KLHL17: variants seen among roughly 807,000 people sequenced by gnomAD.
KLHL17 encodes kelch like family member 17.
A neutral mutation model predicts 64.6 loss-of-function variants in KLHL17; 71 were observed. The ratio of observed to expected loss-of-function variants is 1.10; its 90% CI spans 0.91 to 1.34. The LOEUF is 1.34. KLHL17 is among the 40% of genes most tolerant of loss of function. KLHL17 has a pLI of 0.00. For synonymous variants in KLHL17, 612 were observed against 405.4 expected (o/e 1.51, Z -6.12); for missense variants, 1,140 against 935.0 (o/e 1.22, Z -2.86).
chr1:963,385 G>A lies in KLHL17; in HGVS notation c.1236G>A (p.Val412=). The change falls in exon 8 of 12, where the codon GTG becomes GTA. Residue 412 remains valine (V), a synonymous_variant. Coordinates refer to ENST00000338591, the MANE Select transcript of KLHL17 (RefSeq NM_198317.3). ...DLATVESYDP[V]TNTWQPEVSM... ...CTACCGTGGAGTCCTACGACCCCGT[G>A]ACTAACACGTGGCAGCCGGAGGTGT... 2 of 1,612,614 alleles carry A rather than the reference G, an allele frequency of 1.2e-6. No homozygotes were observed. Among genetic ancestry groups the A allele is most frequent in the Non-Finnish European group, 1.7e-6 (2 of 1,179,840 alleles).
chr1:961,407 C>G lies in KLHL17; in HGVS notation c.222C>G (p.His74Gln). Residue 74 changes from histidine (H) to glutamine (Q), a missense_variant, in exon 2 of 12, where the codon CAC (histidine) becomes CAG (glutamine). By Grantham distance (24) the His-to-Gln change is conservative. Transcript: ENST00000338591. ...GCGTGGCCCACAACTCCAAGCGGCA[C>G]TACCACGATGCCTTCGTGGCCATGA... ...GHSVAHNSKR[H>Q]YHDAFVAMSR... is the part of the protein sequence containing the mutation. 3 of 1,611,114 alleles carry G rather than the reference C, an allele frequency of 1.9e-6. No individual in the cohort carries two copies. The highest frequency in any genetic ancestry group is 2.5e-6 in the Non-Finnish European group (3 of 1,179,454).
chr1:963,528 G>A (rs1642754784), intron 8 of KLHL17, 24 bp downstream of exon 8: 4 of 1,587,994 alleles, frequency 2.5e-6, no homozygotes, highest in Middle Eastern at 3.4e-4. Context: ...GGGCCCCAGT[G>A]GCTTTGTACA....
chr1:960,721 G>C lies in KLHL17; in HGVS notation c.28G>C (p.Gly10Arg), dbSNP rs1461824290. Residue 10 changes from glycine to arginine, a missense_variant, in exon 1 of 12, where the codon GGC becomes CGC. Gly to Arg is a moderately radical substitution (Grantham distance 125). Transcript: ENST00000338591. MQPRSERPA[G>R]RTQSPEHGSP... ...GCAGCCCCGCAGCGAGCGCCCGGCCGGCAGGACGCAGAGCCCGGAGCACGG... is the reference window on the plus strand; with the variant it reads ...GCAGCCCCGCAGCGAGCGCCCGGCCCGCAGGACGCAGAGCCCGGAGCACGG... 8 of 1,345,592 alleles carry C rather than the reference G, an allele frequency of 5.9e-6. No individual in the cohort carries two copies. Among genetic ancestry groups the C allele is most frequent in the Non-Finnish European group, 7.7e-6 (8 of 1,041,250 alleles). 83.4% of individuals were successfully genotyped at this position (1,345,592 alleles called of 1,614,324 possible).
chr1:964,199 C>T lies in KLHL17; in HGVS notation c.1518+19C>T, dbSNP rs760634240. 4 of 1,611,946 alleles carry T rather than the reference C, an allele frequency of 2.5e-6. No homozygotes were observed. Among genetic ancestry groups the T allele is most frequent in the Admixed American group, 3.3e-5 (2 of 59,996 alleles). On this transcript the variant is annotated intron_variant, in intron 10 of 11. Coordinates refer to ENST00000338591, the MANE Select transcript of KLHL17 (RefSeq NM_198317.3). ...GCCCCAGGTGCATAGTGCACCCCTC[C>T]TGGCCACCCCCTCCCGTGCGCCGCG...
chr1:962,602 A>G, intron 5 of KLHL17, 102 bp from the exon 6 acceptor site: 2 of 1,519,862 alleles, frequency 1.3e-6, no homozygotes, highest in South Asian at 2.5e-5. Flanking sequence ...TCTGAAGAAG[A>G]ATCCATCACA....
At chr1:960,941 C>T (rs1306159118) in intron 1 of KLHL17, 141 bp downstream of exon 1, 2 of 585,324 alleles carry the variant, frequency 3.4e-6, no homozygotes, top group Non-Finnish European at 4.3e-6. Flanking sequence ...GGGGTCGGCC[C>T]GGAGTAGGTT....
At position 964,331 on chromosome 1, in the gene KLHL17, C is replaced by G; in HGVS notation, c.1519-18C>G. 1 of 1,551,308 alleles carries G rather than the reference C, an allele frequency of 6.4e-7. No individual in the cohort carries two copies. Among genetic ancestry groups the G allele is most frequent in the South Asian group, 1.2e-5 (1 of 85,192 alleles). On this transcript the variant is annotated intron_variant, in intron 10 of 11. Transcript: ENST00000338591. ...TGCCAGTGGCGGGTCTGCGTCCAGC[C>G]CACGCCCTCGCCCCCAGGTGAACGT...
chr1:962,994 G>C (rs772776562), intron 6 of KLHL17, 77 bp downstream of exon 6: 3 of 1,520,434 alleles, frequency 2.0e-6, no homozygotes, highest in African/African-American at 2.7e-5. Context: ...CACCTGTGCC[G>C]GTCAGGTCCT....
intron 4 of KLHL17, 88 bp from the exon 5 acceptor site, chr1:962,267 T>G (rs756792275): frequency 6.2e-7 from 1 of 1,601,404 alleles, no homozygotes; most frequent in Non-Finnish European, 8.5e-7. Context: ...AGCCCCCACC[T>G]GCTAACCCTC....
rs753229154 is a variant in KLHL17 at position 961,875 on chromosome 1, C to T, written c.539C>T (p.Ala180Val). ...CTGCAGCTGAATGGCGTCCGAGACG[C>T]TTGCTGCAAGTTTCTACTGAGTCAG... Reference protein sequence around the residue: ...SLLQLNGVRDACCKFLLSQLD... With the variant: ...SLLQLNGVRDVCCKFLLSQLD... Residue 180 changes from alanine to valine, a missense_variant, in exon 4 of 12, where the codon GCT becomes GTT. Transcript: ENST00000338591. 7 of 1,612,342 alleles carry T rather than the reference C, an allele frequency of 4.3e-6. No individual in the cohort carries two copies. Among genetic ancestry groups the T allele is most frequent in the African/African-American group, 4.0e-5 (3 of 74,946 alleles).
rs780420627 is a variant in KLHL17, at chr1:961,434, C to T, written c.249C>T (p.Ser83=). The T allele has an allele frequency of 3.7e-6, 6 of 1,612,090 alleles. No individual in the cohort carries two copies. The highest frequency in any genetic ancestry group is 3.3e-5 in the South Asian group (3 of 91,008). ...RHYHDAFVAM[S]RMRQRGLLCD... Reference sequence around the variant, plus strand: ...ACCACGATGCCTTCGTGGCCATGAGCCGCATGCGCCAGCGCGGCCTCCTGT... The same window carrying T: ...ACCACGATGCCTTCGTGGCCATGAGTCGCATGCGCCAGCGCGGCCTCCTGT... Residue 83 remains serine, a synonymous_variant, in exon 2 of 12, where the codon AGC becomes AGT. Transcript: ENST00000338591.
At chr1:962,993 C>G (rs537000217) in intron 6 of KLHL17, 76 bp downstream of exon 6, 39 of 1,509,490 alleles carry the variant, frequency 2.6e-5, no homozygotes, top group Non-Finnish European at 3.4e-5. Flanking sequence ...CCACCTGTGC[C>G]GGTCAGGTCC....
At position 962,459 on chromosome 1, in the gene KLHL17, G is replaced by A. The variant is rs1261834132; in HGVS notation, c.816G>A (p.Gln272=). The A allele has an allele frequency of 3.1e-6, 5 of 1,612,628 alleles. No homozygotes were observed. In the South Asian group the frequency reaches 5.5e-5, roughly 18 times the overall value. The change falls in exon 5 of 12, where the codon CAG becomes CAA. Residue 272 remains glutamine, a synonymous_variant. Coordinates refer to ENST00000338591, the MANE Select transcript of KLHL17 (RefSeq NM_198317.3). ...AACACGACGTGGACGCCCGCAGGCA[G>A]CATGTCCCACGGGTGAGGCGCGGCC... The part of the protein sequence containing the change: ...WVKHDVDARR[Q]HVPRLMKCVR...
rs139584338 is a variant in KLHL17, at chr1:962,757, C to G, written c.882C>G (p.His294Gln). 6 of 1,610,928 alleles carry G rather than the reference C, an allele frequency of 3.7e-6. No individual in the cohort carries two copies. Among genetic ancestry groups the G allele is most frequent in the African/African-American group, 1.3e-5 (1 of 74,892 alleles). ...TGAGCCGCGACTTCCTGCTGGGCCACGTGGATGCCGAGAGCCTGGTGAGGC... is the reference window on the plus strand; with the variant it reads ...TGAGCCGCGACTTCCTGCTGGGCCAGGTGGATGCCGAGAGCCTGGTGAGGC... ...PLLSRDFLLG[H>Q]VDAESLVRHH... The change falls in exon 6 of 12, where the codon CAC (histidine) becomes CAG (glutamine). Residue 294 changes from histidine to glutamine, a missense_variant. Coordinates refer to ENST00000338591, the MANE Select transcript of KLHL17 (RefSeq NM_198317.3).
Position 965,329 on chromosome 1 carries a change from T to C in KLHL17, c.*138T>C, listed in dbSNP as rs1642902485. ...TTTATTTAGTTGTTTATTTATTTAG[T>C]TATTTATCTTATTTATTGAGGGGTG... On this transcript the variant is annotated 3_prime_UTR_variant, in exon 12 of 12. Coordinates refer to ENST00000338591, the MANE Select transcript of KLHL17 (RefSeq NM_198317.3). 1 of 685,712 alleles carries C rather than the reference T, an allele frequency of 1.5e-6. No individual in the cohort carries two copies. The highest frequency in any genetic ancestry group is 2.4e-6 in the Non-Finnish European group (1 of 424,910). The allele number at this position is 685,712 out of a possible 1,614,324, so 42.5% of individuals were successfully genotyped here.
At position 963,936 on chromosome 1, in the gene KLHL17, C is replaced by A. The variant is rs966754585; in HGVS notation, c.1372C>A (p.Pro458Thr). The A allele has an allele frequency of 1.9e-6, 3 of 1,612,330 alleles. No homozygotes were observed. The highest frequency in any genetic ancestry group is 3.3e-5 in the Admixed American group (2 of 60,002). The change falls in exon 9 of 12, where the codon CCC becomes ACC. Residue 458 changes from proline (P) to threonine (T), a missense_variant. Coordinates refer to ENST00000338591, the MANE Select transcript of KLHL17 (RefSeq NM_198317.3). ...TGCCCACAGTGCTGAACGCTACGAC[C>A]CCCTGACCGGAACGTGGACGTCCGT... ...SCLNSAERYD[P>T]LTGTWTSVAA... is the part of the protein sequence containing the mutation.
At chr1:961,245 G>C in intron 1 of KLHL17, 48 bp from the exon 2 acceptor site, 1 of 1,307,204 alleles carries the variant, frequency 7.6e-7, no homozygotes, top group South Asian at 2.2e-5. Flanking sequence ...CTCCAGGGCG[G>C]GCGGGCGGCT....
At chr1:963,676 G>T in intron 8 of KLHL17, 172 bp downstream of exon 8, 3 of 886,302 alleles carry the variant, frequency 3.4e-6, no homozygotes, top group Non-Finnish European at 5.0e-6. Flanking sequence ...TGCTGCCCCA[G>T]TGCCCTTTCC....
chr1:962,627 A>C, intron 5 of KLHL17, 77 bp from the exon 6 acceptor site: 2 of 1,527,100 alleles, frequency 1.3e-6, no homozygotes, highest in Non-Finnish European at 1.8e-6. Flanking sequence ...TGGTACGGGC[A>C]TCTGGGGGGT....
Sources: gnomAD v4.1 joint callset for allele counts on GRCh38, gnomAD v4.1.1 for gene constraint, MANE v1.5 for transcripts, NCBI Gene and HGNC (gene_info 2026-07-23, HGNC 2026-07-21) for gene names.